The following GOLPH3L variants were observed in gnomAD, a reference collection of about 807,000 sequenced individuals.
The protein encoded by GOLPH3L is golgi phosphoprotein 3 like.
GOLPH3L carries 22 observed loss-of-function variants against 30.3 expected under a neutral mutation model. That is an observed-to-expected ratio of 0.73 (90% CI 0.52 to 1.04). GOLPH3L has a LOEUF of 1.04. Among genes scored for constraint, GOLPH3L ranks in the 50% least tolerant of loss-of-function variants. The pLI is 0.00. For missense variants in GOLPH3L, 303 were observed against 345.8 expected (o/e 0.88, Z 0.98); for synonymous variants, 120 against 128.2 (o/e 0.94, Z 0.43).
intron 2 of GOLPH3L, among the ~76,000 whole-genome samples, chr1:150,674,645 C>T (rs960124647): frequency 4.0e-5 from 6 of 151,812 alleles, no homozygotes; most frequent in Admixed American, 2.0e-4. Flanking sequence ...CAAGCTGAGG[C>T]GGGAGGATAG....
At chr1:150,666,964 G>A (rs1353562514) in intron 2 of GOLPH3L, among the ~76,000 whole-genome samples, 2 of 151,992 alleles carry the variant, frequency 1.3e-5, no homozygotes, top group South Asian at 4.2e-4. Context: ...GTGAATTTAC[G>A]AGATTCTGGA....
At chr1:150,662,932 T>G (rs1650403047) in intron 3 of GOLPH3L, among the ~76,000 whole-genome samples, 1 of 152,154 alleles carries the variant, frequency 6.6e-6, no homozygotes, top group African/African-American at 2.4e-5. Flanking sequence ...GGAAAGGACT[T>G]GCAGTAAATG....
At chr1:150,675,080 A>G (rs758381479) in intron 2 of GOLPH3L, among the ~76,000 whole-genome samples, 24 of 151,926 alleles carry the variant, frequency 1.6e-4, no homozygotes, top group Non-Finnish European at 2.2e-4. Flanking sequence ...GGGTCTGGCT[A>G]TGTTGCCCAG....
In GOLPH3L at chr1:150,676,312, C is replaced by T. The variant is rs587761781; in HGVS notation, c.184-12549G>A. Among the ~76,000 whole-genome samples the T allele has an allele frequency of 1.2e-4, 19 of 152,130 alleles. No individual in the cohort carries two copies. In the South Asian group the frequency reaches 3.7e-3, roughly 30 times the overall value. On this transcript the variant is annotated intron_variant, in intron 2 of 4. Coordinates refer to ENST00000271732, the MANE Select transcript of GOLPH3L (RefSeq NM_018178.6). The stretch of plus-strand genomic sequence containing the variant: ...TACACAAAGTAGAGAGATTATGTAG[C>T]TCTATGTAGCCATCACCTAGTTTCA...
chr1:150,648,561 A>G lies in GOLPH3L; in HGVS notation c.618T>C (p.Ser206=). ...GGTCATTTACCCACCGCTCTAGTAC[A>G]CTATCTTGAAGTTTTTTCACTAGTC... ...KQRLVKKLQD[S]VLERWVNDPQ... The change falls in exon 5 of 5, where the codon AGT becomes AGC. Residue 206 remains serine, a synonymous_variant. Transcript: ENST00000271732. The G allele has an allele frequency of 6.2e-7, 1 of 1,613,904 alleles. No homozygotes were observed. Among genetic ancestry groups the G allele is most frequent in the Non-Finnish European group, 8.5e-7 (1 of 1,179,838 alleles).
rs1557778711 is a variant in GOLPH3L at position 150,649,796 on chromosome 1, CTACCCTA to C, written c.431-1055_431-1049del. 2.0e-5 allele frequency among the ~76,000 whole-genome samples: 3 copies of C among 152,040 alleles called. No homozygotes were observed. The South Asian group carries it at 6.2e-4, about 32-fold the overall frequency. On this transcript the variant is annotated intron_variant, in intron 4 of 4. Coordinates refer to ENST00000271732, the MANE Select transcript of GOLPH3L (RefSeq NM_018178.6). The stretch of plus-strand genomic sequence containing the variant: ...GAACCAACACTGGCTGAACAATAAG[CTACCCTA>C]ACTCAGAGGCAACTCCTAGAAAGCT...
intron 2 of GOLPH3L, among the ~76,000 whole-genome samples, chr1:150,669,992 C>T (rs139509215): frequency 1.7e-4 from 25 of 146,826 alleles, no homozygotes; most frequent in African/African-American, 5.5e-4. Context: ...CCGGCGTGGT[C>T]GCTCAGGACT....
intron 2 of GOLPH3L, among the ~76,000 whole-genome samples, chr1:150,677,193 C>G (rs1164661194): frequency 6.6e-6 from 1 of 151,980 alleles, no homozygotes; most frequent in African/African-American, 2.4e-5. Context: ...GCTTCAGCCT[C>G]CTGAGTAGCT....
Position 150,678,284 on chromosome 1 carries a change from C to CAAAAAAAAAAAAAAAAAAAAA in GOLPH3L, c.184-14542_184-14522dup, listed in dbSNP as rs75131824. ...GGGCAACAAGATCGAAACTCCGTCTCAAAAAAAAAAAAAAAAAAAAAAAGG... is the reference window on the plus strand; with the variant it reads ...GGGCAACAAGATCGAAACTCCGTCTCAAAAAAAAAAAAAAAAAAAAAAAAAAAAAAAAAAAAAAAAAAAAGG... On this transcript the variant is annotated intron_variant, in intron 2 of 4. Transcript: ENST00000271732. 6.5e-5 allele frequency among the ~76,000 whole-genome samples: 3 copies of CAAAAAAAAAAAAAAAAAAAAA among 45,922 alleles called. 1 individual carries two copies. Among genetic ancestry groups the CAAAAAAAAAAAAAAAAAAAAA allele is most frequent in the Non-Finnish European group, 1.2e-4 (3 of 24,446 alleles). 30.1% of individuals were successfully genotyped at this position (45,922 alleles called of 152,430 possible). A position where few individuals can be genotyped will look rare whatever the true frequency, so the allele number is the denominator to read the frequency against.
chr1:150,656,196 T>C (rs1051545988), intron 4 of GOLPH3L, among the ~76,000 whole-genome samples: 1 of 152,214 alleles, frequency 6.6e-6, no homozygotes, highest in Non-Finnish European at 1.5e-5. Flanking sequence ...ATTCGATTTC[T>C]CGTGCTGGTT....
At chr1:150,691,775 C>T (rs1037787998) in intron 2 of GOLPH3L, among the ~76,000 whole-genome samples, 2 of 152,054 alleles carry the variant, frequency 1.3e-5, no homozygotes, top group African/African-American at 4.8e-5. Context: ...TGGAATCATA[C>T]AGTATGTATA....
intron 2 of GOLPH3L, among the ~76,000 whole-genome samples, chr1:150,690,949 T>G (rs1651195203): frequency 6.6e-6 from 1 of 152,188 alleles, no homozygotes; most frequent in Non-Finnish European, 1.5e-5. Context: ...AAATATAATG[T>G]ACACACAGAA....
intron 2 of GOLPH3L, among the ~76,000 whole-genome samples, chr1:150,683,557 G>C (rs1431209778): frequency 8.8e-6 from 1 of 113,300 alleles, no homozygotes; most frequent in South Asian, 3.1e-4. Context: ...AAAAAAATTA[G>C]CTGGGCTTGG....
chr1:150,667,592 TTTC>T (rs1650536740), intron 2 of GOLPH3L, among the ~76,000 whole-genome samples: 1 of 138,186 alleles, frequency 7.2e-6, no homozygotes, highest in Non-Finnish European at 1.6e-5. Flanking sequence ...TTTTTTTTTC[TTTC>T]TTTTTTTTTT....
At chr1:150,666,137 T>C (rs769640526) in intron 2 of GOLPH3L, among the ~76,000 whole-genome samples, 1 of 152,188 alleles carries the variant, frequency 6.6e-6, no homozygotes, top group Admixed American at 6.5e-5. Context: ...AATTTATTTA[T>C]TCTGTTTGGT....
At chr1:150,692,380 T>C (rs1651233557) in intron 2 of GOLPH3L, among the ~76,000 whole-genome samples, 1 of 152,130 alleles carries the variant, frequency 6.6e-6, no homozygotes, top group South Asian at 2.1e-4. Context: ...AGGTGGTTAA[T>C]TGTTATGTGC....
chr1:150,649,918 C>T lies in GOLPH3L; in HGVS notation c.431-1170G>A, dbSNP rs1408018485. Reference sequence around the variant, plus strand: ...GGCTTAGGCAGGAAAACCCAGGAGGCGGAGGTTTCAGTCAGCTGAGATTGT... The same window carrying T: ...GGCTTAGGCAGGAAAACCCAGGAGGTGGAGGTTTCAGTCAGCTGAGATTGT... On this transcript the variant is annotated intron_variant, in intron 4 of 4. Transcript: ENST00000271732. 2.0e-5 allele frequency among the ~76,000 whole-genome samples: 3 copies of T among 152,034 alleles called. No homozygotes were observed. The East Asian group carries it at 5.8e-4, about 29-fold the overall frequency.
rs75010359 is a variant in GOLPH3L, at chr1:150,687,595, A to C, written c.183+7061T>G. Among the ~76,000 whole-genome samples the C allele has an allele frequency of 1.3e-3, 200 of 152,030 alleles. 1 individual carries two copies. The highest frequency in any genetic ancestry group is 4.4e-3 in the African/African-American group (182 of 41,462). On this transcript the variant is annotated intron_variant, in intron 2 of 4. Transcript: ENST00000271732. ...TGTCTCAAAAAAAAAACAAAAAAAA[A>C]CTTTTTGATTAGTGAATTTTTTTTA...
At chr1:150,656,413 T>C (rs978075159) in intron 4 of GOLPH3L, among the ~76,000 whole-genome samples, 4 of 152,174 alleles carry the variant, frequency 2.6e-5, no homozygotes, top group Non-Finnish European at 5.9e-5. Flanking sequence ...CAATCTATTT[T>C]CTATCCTTAG....
Sources: gnomAD v4.1 joint callset for allele counts (sites outside exome capture counted in the v4.1 genomes callset) on GRCh38, gnomAD v4.1.1 for gene constraint, MANE v1.5 for transcripts, NCBI Gene and HGNC (gene_info 2026-07-23, HGNC 2026-07-21) for gene names.